SYN3: variants seen among roughly 807,000 people sequenced by gnomAD.
SYN3 encodes the protein synapsin III.
SYN3 carries 35 observed loss-of-function variants against 65.8 expected under a neutral mutation model. The ratio of observed to expected loss-of-function variants is 0.53; its 90% CI spans 0.41 to 0.70. The LOEUF (loss-of-function observed/expected upper bound fraction) is 0.70. SYN3 is among the 30% of genes least tolerant of loss of function. The pLI, the probability that SYN3 is intolerant of heterozygous loss-of-function variation, is 0.00. For missense variants in SYN3, 680 were observed against 749.0 expected (o/e 0.91, Z 1.08); for synonymous variants, 270 against 292.9 (o/e 0.92, Z 0.80).
rs545248765 is a variant in SYN3, at chr22:32,540,258, G to A, written c.917+1313C>T. Among the ~76,000 whole-genome samples, 4 of 152,328 alleles carry A rather than the reference G, an allele frequency of 2.6e-5. No individual in the cohort carries two copies. In the East Asian group the frequency reaches 7.7e-4, roughly 29 times the overall value. ...AACCACAGGCAATCCATAAATGGGC[G>A]TGCATGGCTGTGATCAACAGAACTG... On this transcript the variant is annotated intron_variant, in intron 8 of 13. Coordinates refer to ENST00000358763, the MANE Select transcript of SYN3 (RefSeq NM_003490.4).
chr22:32,753,797 G>T (rs1182815112), intron 6 of SYN3, among the ~76,000 whole-genome samples: 1 of 151,970 alleles, frequency 6.6e-6, no homozygotes, highest in Admixed American at 6.6e-5. Flanking sequence ...AAGCCAATGA[G>T]AGAGCCAGGG....
intron 4 of SYN3, among the ~76,000 whole-genome samples, chr22:32,892,008 A>T (rs1389630767): frequency 3.4e-5 from 5 of 145,392 alleles, no homozygotes; most frequent in African/African-American, 7.8e-5. Flanking sequence ...ATAATAATAA[A>T]AAGCTGGCTG....
intron 1 of SYN3, among the ~76,000 whole-genome samples, chr22:33,040,444 G>A (rs1384985381): frequency 6.6e-6 from 1 of 152,134 alleles, no homozygotes; most frequent in African/African-American, 2.4e-5. Context: ...TGCATCCACT[G>A]CTCTCCATGC....
In SYN3 at chr22:32,516,145, T is replaced by C. The variant is rs115781817; in HGVS notation, c.1610+1898A>G. On this transcript the variant is annotated intron_variant, in intron 13 of 13. Coordinates refer to ENST00000358763, the MANE Select transcript of SYN3 (RefSeq NM_003490.4). ...AAAGCAGTGAGCAGAATGGTGTTGA[T>C]AGTGAATACTCCTGTGTGTGTGAGA... Among the ~76,000 whole-genome samples, 897 of 152,204 alleles carry C rather than the reference T, an allele frequency of 5.9e-3. 6 individuals carry two copies. The highest frequency in any genetic ancestry group is 0.019 in the African/African-American group (794 of 41,512).
intron 6 of SYN3, among the ~76,000 whole-genome samples, chr22:32,604,723 T>C (rs956567403): frequency 1.3e-5 from 2 of 152,176 alleles, no homozygotes; most frequent in African/African-American, 4.8e-5. Context: ...TATACATTCA[T>C]GACTGGGCGC....
At position 32,763,518 on chromosome 22, in the gene SYN3, T is replaced by C. The variant is rs1173519060; in HGVS notation, c.711+101397A>G. 2.0e-5 allele frequency among the ~76,000 whole-genome samples: 3 copies of C among 152,210 alleles called. No homozygotes were observed. In the East Asian group the frequency reaches 5.8e-4, roughly 29 times the overall value. ...TTGGTACATATCATATGAGCTCATT[T>C]AGTCTTCAAGGCAACCCTACACTGT... is the stretch of plus-strand genomic sequence containing the variant. On this transcript the variant is annotated intron_variant, in intron 6 of 13. Transcript: ENST00000358763.
rs1299155411 is a variant in SYN3 at position 32,544,219 on chromosome 22, C to T, written c.775-2506G>A. The stretch of plus-strand genomic sequence containing the variant: ...TTCCAAAGTGCTGGGATTACACACT[C>T]GAGCCACTGCGCCTGGCCCCTATTA... On this transcript the variant is annotated intron_variant, in intron 7 of 13. Coordinates refer to ENST00000358763, the MANE Select transcript of SYN3 (RefSeq NM_003490.4). 5.3e-5 allele frequency among the ~76,000 whole-genome samples: 8 copies of T among 152,306 alleles called. 1 individual carries two copies. The highest frequency in any genetic ancestry group is 3.4e-3 in the Middle Eastern group (1 of 294).
chr22:32,549,070 C>T (rs757929268), intron 7 of SYN3, among the ~76,000 whole-genome samples: 6 of 152,088 alleles, frequency 3.9e-5, no homozygotes, highest in East Asian at 1.9e-4. Context: ...GTATGTAGGG[C>T]GGACTGCCAC....
Position 32,597,237 on chromosome 22 carries a change from A to G in SYN3, c.712-501T>C, listed in dbSNP as rs1406720150. ...TTTTTTTTTTTTTTTTTTTTTTGGG[A>G]CAAGTCTTGCTCTTGTTGCCCAGGC... On this transcript the variant is annotated intron_variant, in intron 6 of 13. Coordinates refer to ENST00000358763, the MANE Select transcript of SYN3 (RefSeq NM_003490.4). 2.1e-4 allele frequency among the ~76,000 whole-genome samples: 14 copies of G among 68,006 alleles called. 1 individual carries two copies. The highest frequency in any genetic ancestry group is 1.7e-4 in the Non-Finnish European group (6 of 35,196). 44.6% of individuals were successfully genotyped at this position (68,006 alleles called of 152,430 possible).
At chr22:33,015,637 C>G (rs945662054) in intron 1 of SYN3, among the ~76,000 whole-genome samples, 15 of 152,138 alleles carry the variant, frequency 9.9e-5, no homozygotes, top group Non-Finnish European at 1.3e-4. Flanking sequence ...AGAGATTTAT[C>G]AGCAACTTTA....
intron 3 of SYN3, among the ~76,000 whole-genome samples, chr22:32,977,213 T>C (rs1408750657): frequency 1.3e-5 from 2 of 152,202 alleles, no homozygotes; most frequent in Non-Finnish European, 2.9e-5. Context: ...AGTGTGATTG[T>C]AGACTTCATA....
chr22:33,055,645 G>A (rs1004894681), intron 1 of SYN3, among the ~76,000 whole-genome samples: 5 of 152,172 alleles, frequency 3.3e-5, no homozygotes, highest in African/African-American at 1.2e-4. Context: ...ATAGATAAAT[G>A]ACTGTTACGA....
chr22:32,796,038 T>C (rs1029809930), intron 6 of SYN3, among the ~76,000 whole-genome samples: 2 of 152,150 alleles, frequency 1.3e-5, no homozygotes, highest in African/African-American at 4.8e-5. Context: ...AAGCTGAGCA[T>C]GCAACCTTCA....
chr22:32,792,646 G>C (rs1026232019), intron 6 of SYN3, among the ~76,000 whole-genome samples: 3 of 152,158 alleles, frequency 2.0e-5, no homozygotes, highest in Non-Finnish European at 1.5e-5. Context: ...TGCCTGCCAA[G>C]TCACTTCTCC....
intron 6 of SYN3, among the ~76,000 whole-genome samples, chr22:32,722,322 T>A (rs1343410073): frequency 6.6e-6 from 1 of 152,038 alleles, no homozygotes; most frequent in Non-Finnish European, 1.5e-5. Context: ...CCCTTGATGG[T>A]GTACCAAGGT....
Position 32,511,903 on chromosome 22 carries a change from A to G in SYN3, c.*1789T>C, listed in dbSNP as rs975147704. Among the ~76,000 whole-genome samples, 5 of 152,200 alleles carry G rather than the reference A, an allele frequency of 3.3e-5. No individual in the cohort carries two copies. The highest frequency in any genetic ancestry group is 7.3e-5 in the Non-Finnish European group (5 of 68,042). On this transcript the variant is annotated 3_prime_UTR_variant, in exon 14 of 14. Transcript: ENST00000358763. ...CTTGCTCTTAAATCCAGACCTGATCATGAGTGAGGGAAGAGGGCAATGTGA... is the reference window on the plus strand; with the variant it reads ...CTTGCTCTTAAATCCAGACCTGATCGTGAGTGAGGGAAGAGGGCAATGTGA...
chr22:32,555,806 T>G (rs1344081981), intron 7 of SYN3, among the ~76,000 whole-genome samples: 2 of 152,142 alleles, frequency 1.3e-5, no homozygotes, highest in Non-Finnish European at 2.9e-5. Context: ...ATCCAGCTCA[T>G]TCCAAAGGGG....
At chr22:32,881,329 T>C (rs2049129009) in intron 4 of SYN3, among the ~76,000 whole-genome samples, 1 of 152,286 alleles carries the variant, frequency 6.6e-6, no homozygotes, top group Middle Eastern at 3.4e-3. Context: ...CAGGCGCTAA[T>C]ATGTACTTAT....
chr22:32,621,160 C>T (rs2059588173), intron 6 of SYN3, among the ~76,000 whole-genome samples: 1 of 152,170 alleles, frequency 6.6e-6, no homozygotes, highest in South Asian at 2.1e-4. Flanking sequence ...TTGGGCTCAC[C>T]AGGAGAGCAG....
Sources: allele counts gnomAD v4.1 joint callset (sites outside exome capture counted in the v4.1 genomes callset), GRCh38; gene constraint gnomAD v4.1.1; transcripts MANE v1.5; gene names NCBI Gene and HGNC (gene_info 2026-07-23, HGNC 2026-07-21).